VPS8: variants seen among roughly 807,000 people sequenced by gnomAD.
VPS8 encodes the protein vacuolar protein sorting-associated protein 8 homolog.
In VPS8, 129 loss-of-function variants were observed where a neutral mutation model predicts 216.4. That is an observed-to-expected ratio of 0.60 (90% CI 0.52 to 0.69). VPS8 has a LOEUF of 0.69. VPS8 is among the 30% of genes least tolerant of loss of function. The pLI, the probability that VPS8 is intolerant of heterozygous loss-of-function variation, is 0.00. For synonymous variants in VPS8, 571 were observed against 565.4 expected (o/e 1.01, Z -0.14); for missense variants, 1,531 against 1,683.5 (o/e 0.91, Z 1.59).
Position 184,855,717 on chromosome 3 carries a change from C to T in VPS8, c.1042C>T (p.Pro348Ser). ...TTTCCATCTCCCTACTTAGATGGAT[C>T]CTTCCAGTGTGCCACTGCTGGCCTG... is the stretch of plus-strand genomic sequence containing the variant. ...WMTFPYGRMD[P>S]SSVPLLAWHF... is the part of the protein sequence containing the mutation. Residue 348 changes from proline to serine, a missense_variant, in exon 14 of 48, where the codon CCT (proline) becomes TCT (serine). Coordinates refer to ENST00000625842, the MANE Select transcript of VPS8 (RefSeq NM_001009921.3). The T allele has an allele frequency of 1.9e-6, 3 of 1,611,338 alleles. No individual in the cohort carries two copies. The highest frequency in any genetic ancestry group is 1.7e-6 in the Non-Finnish European group (2 of 1,178,986).
chr3:185,045,765 TAAAA>T (rs71632043), intron 46 of VPS8, among the ~76,000 whole-genome samples: 19 of 129,050 alleles, frequency 1.5e-4, no homozygotes, highest in Admixed American at 1.5e-4. Context: ...AGACTCCGTC[TAAAA>T]AAAAAAAAAA....
intron 45 of VPS8, among the ~76,000 whole-genome samples, chr3:185,014,130 A>AT (rs1276766288): frequency 1.3e-5 from 2 of 152,226 alleles, no homozygotes; most frequent in Non-Finnish European, 2.9e-5. Context: ...AATAAGTATA[A>AT]TTGTTCTCTG....
chr3:184,966,639 T>A, intron 38 of VPS8, 32 bp from the exon 39 acceptor site: 1 of 1,504,836 alleles, frequency 6.6e-7, no homozygotes, highest in Non-Finnish European at 9.0e-7. Context: ...AAAGTGTTCC[T>A]TTTTAACTCC....
rs1312830700 is a variant in VPS8, at chr3:184,996,484, T to C, written c.3819T>C (p.Asp1273=). The C allele has an allele frequency of 2.5e-6, 4 of 1,606,184 alleles. No individual in the cohort carries two copies. The highest frequency in any genetic ancestry group is 2.7e-5 in the African/African-American group (2 of 74,526). ...QQYKRRQEMA[D]EIIVFSCGHL... ...ACAAGAGACGCCAAGAAATGGCTGA[T>C]GAAATAATTGTCTTTAGGTAAGAAA... The change falls in exon 44 of 48, where the codon GAT becomes GAC. Residue 1273 remains aspartate, a synonymous_variant. Transcript: ENST00000625842.
intron 3 of VPS8, among the ~76,000 whole-genome samples, chr3:184,832,322 CTATT>C (rs1720162843): frequency 6.6e-6 from 1 of 151,942 alleles, no homozygotes; most frequent in Non-Finnish European, 1.5e-5. Flanking sequence ...TTATAGTAGA[CTATT>C]TATAGTCAGA....
In VPS8 at chr3:184,924,717, C is replaced by T. The variant is rs989971820; in HGVS notation, c.2455-145C>T. The T allele has an allele frequency of 4.8e-6, 5 of 1,049,136 alleles. No individual in the cohort carries two copies. In the South Asian group the frequency reaches 5.3e-5, roughly 11 times the overall value. The allele number at this position is 1,049,136 out of a possible 1,614,324, so 65.0% of individuals were successfully genotyped here. ...AAGTGGTTGTGCTTATTCTAAATGGCGTTGAATTCAATTGTTGCACAGTCA... is the reference window on the plus strand; with the variant it reads ...AAGTGGTTGTGCTTATTCTAAATGGTGTTGAATTCAATTGTTGCACAGTCA... On this transcript the variant is annotated intron_variant, in intron 29 of 47. Coordinates refer to ENST00000625842, the MANE Select transcript of VPS8 (RefSeq NM_001009921.3).
At chr3:184,852,715 A>T in intron 11 of VPS8, 148 bp downstream of exon 11, 2 of 765,000 alleles carry the variant, frequency 2.6e-6, no homozygotes, top group Non-Finnish European at 4.1e-6. Flanking sequence ...GGCTTATATT[A>T]ATAGAACAAA....
At chr3:184,938,969 G>T (rs1406329265) in intron 35 of VPS8, among the ~76,000 whole-genome samples, 1 of 149,196 alleles carries the variant, frequency 6.7e-6, no homozygotes, top group African/African-American at 2.5e-5. Context: ...GGTTGAGGCC[G>T]CAGTGAGCTG....
At chr3:184,927,874 C>T (rs1049175645) in intron 31 of VPS8, among the ~76,000 whole-genome samples, 2 of 152,204 alleles carry the variant, frequency 1.3e-5, no homozygotes, top group African/African-American at 4.8e-5. Context: ...GTTCAAGGTT[C>T]ATCCATGCCG....
At chr3:184,987,984 A>G (rs974416660) in intron 42 of VPS8, among the ~76,000 whole-genome samples, 1 of 152,196 alleles carries the variant, frequency 6.6e-6, no homozygotes, top group African/African-American at 2.4e-5. Flanking sequence ...AACATGTGAT[A>G]TTGAGCTTTT....
Position 184,999,742 on chromosome 3 carries a change from A to G in VPS8, c.3883A>G (p.Thr1295Ala), listed in dbSNP as rs187386670. Residue 1295 changes from threonine (T) to alanine (A), a missense_variant, in exon 45 of 48, where the codon ACT becomes GCT. Around this residue, in one of 3 missense-constraint regions of VPS8, gnomAD observed 1,318 missense variants for 1,468.4 expected, o/e 0.90. Transcript: ENST00000625842. Reference protein sequence around the residue: ...HSFCLQNKECTVEFEGQTRWT... With the variant: ...HSFCLQNKECAVEFEGQTRWT... ...ATTCTGCCTACAAAACAAAGAATGC[A>G]CTGTGGAATTTGAGGGCCAAACAAG... 3.5e-3 allele frequency: 5,715 copies of G among 1,613,492 alleles called. 181 individuals carry two copies. Among genetic ancestry groups the G allele is most frequent in the Non-Finnish European group, 7.6e-4 (892 of 1,179,706 alleles).
intron 26 of VPS8, 68 bp downstream of exon 26, chr3:184,913,629 A>C (rs1736978906): frequency 7.9e-7 from 1 of 1,265,678 alleles, no homozygotes; most frequent in Non-Finnish European, 1.1e-6. Context: ...TTTTAGAGAT[A>C]CTATGATCTC....
intron 16 of VPS8, among the ~76,000 whole-genome samples, chr3:184,865,504 A>G (rs1269771199): frequency 3.3e-5 from 5 of 152,204 alleles, no homozygotes; most frequent in Admixed American, 6.5e-5. Flanking sequence ...GCTCAACATC[A>G]TTAGGTATTA....
chr3:184,996,332 A>T lies in VPS8; in HGVS notation c.3667A>T (p.Thr1223Ser), dbSNP rs754863556. Residue 1223 changes from threonine to serine, a missense_variant and splice_region_variant, in exon 44 of 48, where the codon ACC (threonine) becomes TCC (serine). Transcript: ENST00000625842. ...TGTTTTTTGTTTTGGTGTTTCATAG[A>T]CCCTGCTGGAAACAACAACCAGCCT... The part of the protein sequence containing the change: ...GMLDTFNYEQ[T>S]LLETTTSLLN... The T allele has an allele frequency of 6.2e-7, 1 of 1,609,468 alleles. No individual in the cohort carries two copies. The highest frequency in any genetic ancestry group is 1.1e-5 in the South Asian group (1 of 90,572).
chr3:184,891,929 C>T (rs1427333894), intron 22 of VPS8, among the ~76,000 whole-genome samples: 2 of 152,022 alleles, frequency 1.3e-5, no homozygotes, highest in East Asian at 1.9e-4. Context: ...ATTATGAAAT[C>T]GATAATGTAC....
chr3:184,895,593 TCCTCCTCC>T (rs1733244776), intron 23 of VPS8, among the ~76,000 whole-genome samples: 1 of 46,572 alleles, frequency 2.1e-5, no homozygotes, highest in Non-Finnish European at 4.2e-5. Flanking sequence ...CTCCTGCTCC[TCCTCCTCC>T]CCCCCTCCTC....
At position 184,849,918 on chromosome 3, in the gene VPS8, C is replaced by T. The variant is rs761992818; in HGVS notation, c.667-18C>T. The T allele has an allele frequency of 1.2e-4, 196 of 1,599,436 alleles. No homozygotes were observed. Among genetic ancestry groups the T allele is most frequent in the Non-Finnish European group, 1.6e-4 (183 of 1,171,402 alleles). Reference sequence around the variant, plus strand: ...AAGAGCAATAAATTTGTTTTTGAAGCACTTAGTTGTCTTATAGATCACCAT... The same window carrying T: ...AAGAGCAATAAATTTGTTTTTGAAGTACTTAGTTGTCTTATAGATCACCAT... On this transcript the variant is annotated intron_variant, in intron 9 of 47. Transcript: ENST00000625842.
At chr3:184,868,913 A>AG in intron 18 of VPS8, 33 bp from the exon 19 acceptor site, 2 of 1,572,148 alleles carry the variant, frequency 1.3e-6, no homozygotes, top group Admixed American at 1.8e-5. Context: ...GGTCAGACAA[A>AG]GGGGCCTGGT....
intron 34 of VPS8, 33 bp downstream of exon 34, chr3:184,930,601 C>A: frequency 6.7e-7 from 1 of 1,500,994 alleles, no homozygotes; most frequent in Non-Finnish European, 9.3e-7. Context: ...ACTTCACCAT[C>A]TGAACGATCA....
Sources: gnomAD v4.1 joint callset for allele counts (sites outside exome capture counted in the v4.1 genomes callset) on GRCh38, gnomAD v4.1.1 for gene constraint, gnomAD v4.1.1 regional missense constraint, MANE v1.5 for transcripts, NCBI Gene and HGNC (gene_info 2026-07-23, HGNC 2026-07-21) for gene names.